The following NEB variants were observed in gnomAD, a reference collection of about 807,000 sequenced individuals.
The protein encoded by NEB is nemaline myopathy type 2.
A neutral mutation model predicts 952.2 loss-of-function variants in NEB; 512 were observed. The observed-to-expected ratio is 0.54, with a 90% CI of 0.50 to 0.58. The LOEUF (loss-of-function observed/expected upper bound fraction) is 0.58. Ranked by LOEUF, NEB falls within the 20% of genes least tolerant of loss-of-function variation. The probability of loss-of-function intolerance (pLI) is 0.00; values close to 1 mark genes in which losing one functional copy is unlikely to be tolerated. For missense variants in NEB, 8,428 were observed against 9,231.1 expected (o/e 0.91, Z 3.56); for synonymous variants, 2,900 against 3,149.8 (o/e 0.92, Z 2.66).
chr2:151,509,663 G>T (rs1015328568), intron 161 of NEB, among the ~76,000 whole-genome samples: 1 of 152,124 alleles, frequency 6.6e-6, no homozygotes, highest in African/African-American at 2.4e-5. Context: ...GAGTTTCGCA[G>T]TGTCTCCAGG....
chr2:151,692,518 G>A (rs1559317422), intron 20 of NEB, 156 bp from the exon 21 acceptor site: 3 of 693,776 alleles, frequency 4.3e-6, no homozygotes, highest in Non-Finnish European at 7.8e-6. Context: ...AATAGATGTG[G>A]TAGAGGCTCA....
intron 157 of NEB, among the ~76,000 whole-genome samples, chr2:151,516,180 C>A (rs1338117029): frequency 1.3e-5 from 2 of 152,166 alleles, no homozygotes; most frequent in Non-Finnish European, 2.9e-5. Flanking sequence ...ATCCAAATTA[C>A]ATTCAGTATA....
At chr2:151,694,253 T>C in intron 20 of NEB, 70 bp downstream of exon 20, 1 of 1,297,962 alleles carries the variant, frequency 7.7e-7, no homozygotes, top group Non-Finnish European at 1.1e-6. Context: ...CTAACGTCCA[T>C]CCAAGGTTAT....
At chr2:151,727,287 A>G (rs2099794364) in intron 5 of NEB, among the ~76,000 whole-genome samples, 1 of 152,036 alleles carries the variant, frequency 6.6e-6, no homozygotes, top group South Asian at 2.1e-4. Flanking sequence ...CTCTTTACAT[A>G]CCTTTTTATA....
At chr2:151,510,791 G>A (rs1352364503) in intron 161 of NEB, among the ~76,000 whole-genome samples, 2 of 152,148 alleles carry the variant, frequency 1.3e-5, no homozygotes, top group African/African-American at 4.8e-5. Context: ...TAGAGGTCTT[G>A]GAACATATCC....
In NEB at chr2:151,696,636, C is replaced by T. The variant is rs1553605553; in HGVS notation, c.1569+1G>A. 8.7e-6 allele frequency: 14 copies of T among 1,609,402 alleles called. No individual in the cohort carries two copies. Among genetic ancestry groups the T allele is most frequent in the Middle Eastern group, 1.7e-4 (1 of 6,054 alleles). ...TGTCCTGAGTAGTTAGAGGAACTTA[C>T]GTCACTCAGTTGTTTGGAATTGACT... On this transcript the variant is annotated splice_donor_variant, in intron 17 of 181. Coordinates refer to ENST00000397345, the MANE Select transcript of NEB (RefSeq NM_001164508.2). LOFTEE classifies it high-confidence loss of function.
intron 150 of NEB, among the ~76,000 whole-genome samples, chr2:151,525,597 A>T (rs1252857583): frequency 6.6e-6 from 1 of 152,256 alleles, no homozygotes; most frequent in Admixed American, 6.5e-5. Context: ...AGGATAGAGC[A>T]GGCAGAGATT....
chr2:151,678,161 C>G lies in NEB; in HGVS notation c.3282G>C (p.Lys1094Asn). The change falls in exon 33 of 182, where the codon AAG becomes AAC. Residue 1094 changes from lysine (K) to asparagine (N), a missense_variant. Transcript: ENST00000397345. Reference protein sequence around the residue: ...SDVQYKKDYEKAKGKMVGFQS... With the variant: ...SDVQYKKDYENAKGKMVGFQS... The stretch of plus-strand genomic sequence containing the variant: ...GGAAGCCAACCATTTTCCCTTTAGC[C>G]TTTTCATAGTCTTTTTTGTACTGAA... The G allele has an allele frequency of 6.2e-7, 1 of 1,609,842 alleles. No individual in the cohort carries two copies. The highest frequency in any genetic ancestry group is 8.5e-7 in the Non-Finnish European group (1 of 1,177,836).
At chr2:151,709,572 TTACTAATTATA>T (rs1239809942) in intron 12 of NEB, 73 bp downstream of exon 12, 41 of 1,060,620 alleles carry the variant, frequency 3.9e-5, no homozygotes, top group Non-Finnish European at 5.7e-5. Flanking sequence ...CTCCCCTTTT[TTACTAATTATA>T]TACAAGAGCC....
chr2:151,675,510 T>G, intron 34 of NEB, 119 bp from the exon 35 acceptor site: 1 of 644,296 alleles, frequency 1.6e-6, no homozygotes, highest in East Asian at 2.9e-5. Context: ...ATCAAAGGCA[T>G]TTTCCTATTT....
At position 151,516,873 on chromosome 2, in the gene NEB, G is replaced by T. The variant is rs2078002744; in HGVS notation, c.22801-310C>A. On this transcript the variant is annotated intron_variant, in intron 156 of 181. Transcript: ENST00000397345. The stretch of plus-strand genomic sequence containing the variant: ...GAAAACGCATGGGGAAAATTACCCA[G>T]GTAGATGAGGTTGGTCAATAATTGA... Among the ~76,000 whole-genome samples the T allele has an allele frequency of 2.0e-5, 3 of 152,148 alleles. No homozygotes were observed. In the South Asian group the frequency reaches 6.2e-4, roughly 32 times the overall value.
rs770992098 is a variant in NEB, at chr2:151,724,954, T to C, written c.410A>G (p.Tyr137Cys). The C allele has an allele frequency of 3.0e-5, 49 of 1,613,174 alleles. No homozygotes were observed. Among genetic ancestry groups the C allele is most frequent in the Non-Finnish European group, 3.5e-5 (41 of 1,179,428 alleles). The stretch of plus-strand genomic sequence containing the variant: ...CTTAGCAACATCACCATCCATTCGA[T>C]ACTTAACCTGCCCAAATAATGCACA... ...KVQDQLSEVK[Y>C]RMDGDVAKTI... Residue 137 changes from tyrosine (Y) to cysteine (C), a missense_variant, in exon 7 of 182, where the codon TAT becomes TGT. Tyr to Cys is a radical substitution (Grantham distance 194). This residue lies in a region of NEB where 2,851 missense variants were observed against 2,791.5 expected (regional missense o/e 1.02). Transcript: ENST00000397345.
chr2:151,552,632 C>T, intron 128 of NEB, 40 bp downstream of exon 128: 1 of 1,459,926 alleles, frequency 6.8e-7, no homozygotes, highest in Non-Finnish European at 9.6e-7. Context: ...GGTGGCCCTG[C>T]TTTATTACTG....
At chr2:151,527,912 T>G (rs2087436548) in intron 146 of NEB, among the ~76,000 whole-genome samples, 1 of 152,244 alleles carries the variant, frequency 6.6e-6, no homozygotes, top group Admixed American at 6.5e-5. Context: ...AATTCGGGTT[T>G]AATTTTTACC....
At chr2:151,555,337 A>T (rs1027541632) in intron 124 of NEB, among the ~76,000 whole-genome samples, 1 of 152,254 alleles carries the variant, frequency 6.6e-6, no homozygotes, top group African/African-American at 2.4e-5. Flanking sequence ...TAGTACTTTT[A>T]CTGCTACTAC....
chr2:151,529,277 T>C lies in NEB; in HGVS notation c.21668A>G (p.Asn7223Ser). The change falls in exon 146 of 182, where the codon AAC becomes AGC. Residue 7223 changes from asparagine (N) to serine (S), a missense_variant. Physicochemically the swap from Asn to Ser is conservative, Grantham distance 46. Around this residue, in one of 11 missense-constraint regions of NEB, gnomAD observed 3,374 missense variants for 3,651.5 expected, o/e 0.92. Coordinates refer to ENST00000397345, the MANE Select transcript of NEB (RefSeq NM_001164508.2). ...YKEVYQRNKS[N>S]CTIEPDAVHI... ...AACAGCATCTGGCTCAATGGTGCAG[T>C]TGGATTTATTTCTTTGGTATACTTC... is the stretch of plus-strand genomic sequence containing the variant. 6.2e-7 allele frequency: 1 copy of C among 1,613,602 alleles called. No homozygotes were observed. Among genetic ancestry groups the C allele is most frequent in the Non-Finnish European group, 8.5e-7 (1 of 1,179,496 alleles).
intron 129 of NEB, among the ~76,000 whole-genome samples, chr2:151,550,908 G>C (rs148497574): frequency 2.6e-5 from 4 of 151,308 alleles, no homozygotes; most frequent in African/African-American, 9.7e-5. Flanking sequence ...ACCTCCTAAA[G>C]TGCTGGGATT....
rs759111835 is a variant in NEB, at chr2:151,563,724, A to G, written c.18580-5T>C. On this transcript the variant is annotated splice_region_variant and splice_polypyrimidine_tract_variant and intron_variant, in intron 118 of 181. Transcript: ENST00000397345. ...ATATGTCTCTTTGTATTTAAGCTGT[A>G]AAGTGGGTTAAACATTGAGAATCGC... 2 of 1,611,908 alleles carry G rather than the reference A, an allele frequency of 1.2e-6. No homozygotes were observed. The highest frequency in any genetic ancestry group is 8.5e-7 in the Non-Finnish European group (1 of 1,178,132).
intron 171 of NEB, 70 bp from the exon 172 acceptor site, chr2:151,497,103 T>G (rs2060748993): frequency 6.7e-7 from 1 of 1,500,298 alleles, no homozygotes. Flanking sequence ...GTTTTAAGGG[T>G]AAGGTCAGCT....
Sources: gnomAD v4.1 joint callset for allele counts (sites outside exome capture counted in the v4.1 genomes callset) on GRCh38, gnomAD v4.1.1 for gene constraint, gnomAD v4.1.1 regional missense constraint, MANE v1.5 for transcripts, NCBI Gene and HGNC (gene_info 2026-07-23, HGNC 2026-07-21) for gene names.